MAML3: variants seen among roughly 807,000 people sequenced by gnomAD.
MAML3 encodes mastermind like transcriptional coactivator 3.
Under a neutral mutation model 101.9 loss-of-function variants are expected in MAML3, and 27 were observed. That is an observed-to-expected ratio of 0.27 (90% CI 0.20 to 0.37). MAML3 has a LOEUF of 0.37. Among genes scored for constraint, MAML3 ranks in the 10% least tolerant of loss-of-function variants. MAML3 has a pLI of 1.00. For synonymous variants in MAML3, 501 were observed against 555.9 expected (o/e 0.90, Z 1.39); for missense variants, 1,316 against 1,444.9 (o/e 0.91, Z 1.45).
intron 2 of MAML3, among the ~76,000 whole-genome samples, chr4:139,741,945 G>A (rs899140076): frequency 6.6e-6 from 1 of 152,022 alleles, no homozygotes; most frequent in Non-Finnish European, 1.5e-5. Context: ...CCAAAAAATA[G>A]AAATGGCTCA....
At chr4:140,150,741 G>A (rs930535802) in intron 1 of MAML3, among the ~76,000 whole-genome samples, 1 of 152,104 alleles carries the variant, frequency 6.6e-6, no homozygotes, top group Non-Finnish European at 1.5e-5. Flanking sequence ...CTCCTCCTCC[G>A]TGGAAGGGCG....
At chr4:140,151,208 G>A (rs1165286334) in intron 1 of MAML3, among the ~76,000 whole-genome samples, 2 of 152,216 alleles carry the variant, frequency 1.3e-5, no homozygotes, top group South Asian at 2.1e-4. Flanking sequence ...AGGAAGGGAG[G>A]AGGAAGGGGA....
At chr4:140,029,631 G>A (rs886561469) in intron 1 of MAML3, among the ~76,000 whole-genome samples, 3 of 152,094 alleles carry the variant, frequency 2.0e-5, no homozygotes, top group African/African-American at 4.8e-5. Flanking sequence ...ATATTAGTAA[G>A]CATAATACTA....
intron 2 of MAML3, among the ~76,000 whole-genome samples, chr4:139,812,680 T>G (rs1010839022): frequency 6.6e-6 from 1 of 152,156 alleles, no homozygotes; most frequent in African/African-American, 2.4e-5. Context: ...TAGACTCCTA[T>G]CTAGGGAAAT....
chr4:139,912,149 C>G (rs1164627495), intron 1 of MAML3, among the ~76,000 whole-genome samples: 1 of 152,114 alleles, frequency 6.6e-6, no homozygotes, highest in Non-Finnish European at 1.5e-5. Flanking sequence ...ATAGTGGCTG[C>G]ATCATTTTAC....
intron 1 of MAML3, among the ~76,000 whole-genome samples, chr4:139,962,162 G>A (rs1734030066): frequency 6.6e-6 from 1 of 151,792 alleles, no homozygotes; most frequent in Non-Finnish European, 1.5e-5. Context: ...AGAGGGTTAT[G>A]GCTTATCTAA....
chr4:140,145,832 G>A (rs1023475385), intron 1 of MAML3, among the ~76,000 whole-genome samples: 11 of 150,184 alleles, frequency 7.3e-5, no homozygotes, highest in African/African-American at 2.7e-4. Context: ...CAAAGTGCTG[G>A]GATTACATGC....
chr4:140,065,237 T>C (rs79406609), intron 1 of MAML3, among the ~76,000 whole-genome samples: 1,830 of 151,910 alleles, frequency 0.012, 44 homozygotes, highest in African/African-American at 0.042. Context: ...GTGAAAAGTA[T>C]ACATTAAATT....
At chr4:139,770,198 C>T (rs1363685237) in intron 2 of MAML3, among the ~76,000 whole-genome samples, 1 of 152,200 alleles carries the variant, frequency 6.6e-6, no homozygotes, top group South Asian at 2.1e-4. Flanking sequence ...TCCCAAAGTA[C>T]GGGCATTACA....
At chr4:139,994,765 G>A (rs541450491) in intron 1 of MAML3, among the ~76,000 whole-genome samples, 104 of 149,198 alleles carry the variant, frequency 7.0e-4, no homozygotes, top group African/African-American at 2.4e-3. Flanking sequence ...TTAATTGGTG[G>A]TGGTGGTGGT....
intron 1 of MAML3, among the ~76,000 whole-genome samples, chr4:140,118,229 GA>G (rs931101227): frequency 3.3e-5 from 5 of 151,326 alleles, no homozygotes; most frequent in Non-Finnish European, 5.9e-5. Flanking sequence ...CAGTCTTCTG[GA>G]ACCAGAATGC....
chr4:139,872,725 G>C (rs1421502624), intron 2 of MAML3, among the ~76,000 whole-genome samples: 1 of 151,978 alleles, frequency 6.6e-6, no homozygotes, highest in Non-Finnish European at 1.5e-5. Context: ...GTGATGGAAA[G>C]AATTCTTAAG....
At chr4:140,092,077 T>C (rs979779344) in intron 1 of MAML3, among the ~76,000 whole-genome samples, 1 of 61,154 alleles carries the variant, frequency 1.6e-5, no homozygotes, top group African/African-American at 4.2e-5. Flanking sequence ...TATATATACG[T>C]ATATATATAC....
At chr4:139,802,941 A>T (rs1730633977) in intron 2 of MAML3, among the ~76,000 whole-genome samples, 1 of 152,222 alleles carries the variant, frequency 6.6e-6, no homozygotes, top group Non-Finnish European at 1.5e-5. Flanking sequence ...TCTTATACCT[A>T]ATTTTACTCT....
rs72236914 is a variant in MAML3, at chr4:139,739,680, T to TTTC, written c.2080-9014_2080-9013insGAA. On this transcript the variant is annotated intron_variant, in intron 2 of 4. Coordinates refer to ENST00000509479, the MANE Select transcript of MAML3 (RefSeq NM_018717.5). ...TAAGAAAGGCAGGGGAGGAAAGCAG[T>TTTC]TTTTTTTTTTTTTTCTTTTATGTCC... Among the ~76,000 whole-genome samples, 132 of 30,762 alleles carry TTTC rather than the reference T, an allele frequency of 4.3e-3. 3 individuals are homozygous for TTTC. The highest frequency in any genetic ancestry group is 0.029 in the Middle Eastern group (1 of 34). 20.2% of individuals were successfully genotyped at this position (30,762 alleles called of 152,430 possible).
chr4:140,135,333 C>T (rs1425579744), intron 1 of MAML3, among the ~76,000 whole-genome samples: 3 of 152,184 alleles, frequency 2.0e-5, no homozygotes, highest in Non-Finnish European at 4.4e-5. Context: ...ATGTCATGTG[C>T]AAAGTGCTCT....
intron 2 of MAML3, among the ~76,000 whole-genome samples, chr4:139,817,575 TC>T (rs1475329159): frequency 6.6e-6 from 1 of 152,128 alleles, no homozygotes; most frequent in Non-Finnish European, 1.5e-5. Context: ...ACATGTCCTA[TC>T]CCTCCATTCA....
intron 1 of MAML3, among the ~76,000 whole-genome samples, chr4:140,051,142 T>C (rs1296746988): frequency 6.6e-6 from 1 of 152,210 alleles, no homozygotes; most frequent in Non-Finnish European, 1.5e-5. Context: ...ACAATATCTA[T>C]AAGTCTAGGA....
intron 1 of MAML3, among the ~76,000 whole-genome samples, chr4:139,900,669 T>C (rs575211778): frequency 2.6e-5 from 4 of 152,254 alleles, no homozygotes; most frequent in Admixed American, 2.6e-4. Flanking sequence ...AATTATCAAC[T>C]ACTCATTAAA....
Sources: gnomAD v4.1 joint callset for allele counts (sites outside exome capture counted in the v4.1 genomes callset) on GRCh38, gnomAD v4.1.1 for gene constraint, MANE v1.5 for transcripts, NCBI Gene and HGNC (gene_info 2026-07-23, HGNC 2026-07-21) for gene names.